The following NAV2 variants were observed in gnomAD, a reference collection of about 807,000 sequenced individuals.
NAV2 encodes the protein helicase, APC down-regulated 1.
NAV2 carries 54 observed loss-of-function variants against 223.2 expected under a neutral mutation model. That is an observed-to-expected ratio of 0.24 (90% CI 0.19 to 0.30). NAV2 has a LOEUF of 0.30. Among genes scored for constraint, NAV2 ranks in the 10% least tolerant of loss-of-function variants. The pLI is 1.00. For synonymous variants in NAV2, 1,279 were observed against 1,239.3 expected (o/e 1.03, Z -0.67); for missense variants, 2,806 against 3,147.5 (o/e 0.89, Z 2.60).
intron 1 of NAV2, among the ~76,000 whole-genome samples, chr11:19,384,092 A>T (rs1238328059): frequency 6.6e-6 from 1 of 152,238 alleles, no homozygotes; most frequent in East Asian, 1.9e-4. Context: ...AACATGAAAA[A>T]ATATTCAGAG....
At chr11:19,408,149 G>A (rs772099690) in intron 1 of NAV2, among the ~76,000 whole-genome samples, 2 of 152,174 alleles carry the variant, frequency 1.3e-5, no homozygotes, top group African/African-American at 2.4e-5. Flanking sequence ...AATGGCTTTC[G>A]AGATGCAGAC....
intron 33 of NAV2, 88 bp from the exon 34 acceptor site, chr11:20,103,563 TGG>T (rs2061797664): frequency 6.6e-7 from 1 of 1,518,538 alleles, no homozygotes; most frequent in Non-Finnish European, 9.1e-7. Context: ...TCCACTGGCC[TGG>T]AAGCACAGGG....
chr11:19,861,287 C>T (rs925410606), intron 3 of NAV2, among the ~76,000 whole-genome samples: 3 of 152,068 alleles, frequency 2.0e-5, no homozygotes, highest in Admixed American at 6.6e-5. Flanking sequence ...CATCAGGTTA[C>T]GGAGAAGGCC....
intron 22 of NAV2, among the ~76,000 whole-genome samples, chr11:20,076,893 G>A (rs555287440): frequency 5.0e-4 from 76 of 152,274 alleles, no homozygotes; most frequent in Middle Eastern, 3.4e-3. Flanking sequence ...ATAAAACTAC[G>A]TGAAAGCCTG....
chr11:19,514,995 T>G (rs1469230037), intron 1 of NAV2, among the ~76,000 whole-genome samples: 1 of 152,150 alleles, frequency 6.6e-6, no homozygotes, highest in African/African-American at 2.4e-5. Context: ...ATGTCTGACT[T>G]TGGAAAGTAG....
At chr11:19,755,159 G>A (rs1356518838) in intron 1 of NAV2, among the ~76,000 whole-genome samples, 1 of 152,176 alleles carries the variant, frequency 6.6e-6, no homozygotes, top group Non-Finnish European at 1.5e-5. Context: ...TTCTGATGGC[G>A]AATGTAGTCT....
rs571615432 is a variant in NAV2 at position 19,901,118 on chromosome 11, G to C, written c.931+8524G>C. On this transcript the variant is annotated intron_variant, in intron 6 of 37. Transcript: ENST00000349880. The stretch of plus-strand genomic sequence containing the variant: ...AATTGCTAAAAAGACAAATCCCCAG[G>C]CATTACAAACTGAGTCCTTCTAATT... Among the ~76,000 whole-genome samples the C allele has an allele frequency of 7.2e-5, 11 of 152,258 alleles. No individual in the cohort carries two copies. The East Asian group carries it at 2.1e-3, about 29-fold the overall frequency.
intron 10 of NAV2, among the ~76,000 whole-genome samples, chr11:19,954,907 GTATATA>G (rs1301437040): frequency 2.7e-4 from 8 of 29,136 alleles, no homozygotes; most frequent in South Asian, 1.5e-3. Flanking sequence ...ATATATATGT[GTATATA>G]TGTGTGTGTG....
At chr11:19,381,693 C>T (rs1238418508) in intron 1 of NAV2, among the ~76,000 whole-genome samples, 2 of 152,122 alleles carry the variant, frequency 1.3e-5, no homozygotes, top group East Asian at 3.9e-4. Flanking sequence ...AGGAACAGGT[C>T]AGCACTGGGT....
chr11:20,009,227 C>A (rs925986448), intron 11 of NAV2, among the ~76,000 whole-genome samples: 4 of 152,156 alleles, frequency 2.6e-5, no homozygotes, highest in African/African-American at 9.7e-5. Context: ...GGTACTTTTC[C>A]CCCTGAGCTT....
At chr11:19,533,320 G>C (rs1458440222) in intron 1 of NAV2, among the ~76,000 whole-genome samples, 3 of 152,010 alleles carry the variant, frequency 2.0e-5, no homozygotes, top group Admixed American at 2.0e-4. Flanking sequence ...GATGCCATTA[G>C]CGACAACTCC....
At chr11:19,832,835 C>T (rs1565395835) in intron 2 of NAV2, among the ~76,000 whole-genome samples, 1 of 152,214 alleles carries the variant, frequency 6.6e-6, no homozygotes, top group Non-Finnish European at 1.5e-5. Context: ...AGAAGAAAGG[C>T]TGGCCAAGGC....
intron 3 of NAV2, among the ~76,000 whole-genome samples, chr11:19,866,449 A>G (rs1722642965): frequency 6.6e-6 from 1 of 152,202 alleles, no homozygotes; most frequent in Admixed American, 6.5e-5. Context: ...AAAGTTAACA[A>G]AGAAGAAGTA....
intron 6 of NAV2, among the ~76,000 whole-genome samples, chr11:19,920,787 T>A (rs1357541527): frequency 6.6e-6 from 1 of 152,188 alleles, no homozygotes; most frequent in Non-Finnish European, 1.5e-5. Context: ...AGTCTGAATA[T>A]CACAGAACAG....
intron 1 of NAV2, among the ~76,000 whole-genome samples, chr11:19,716,662 A>T (rs2050339882): frequency 6.6e-6 from 1 of 152,164 alleles, no homozygotes; most frequent in East Asian, 1.9e-4. Flanking sequence ...GGGCATGTCC[A>T]CTTTCTGAGT....
chr11:19,737,721 T>G (rs545509376), intron 1 of NAV2, among the ~76,000 whole-genome samples: 1 of 152,340 alleles, frequency 6.6e-6, no homozygotes, highest in African/African-American at 2.4e-5. Flanking sequence ...AAATAGTGCA[T>G]GGAAGGCACT....
intron 11 of NAV2, among the ~76,000 whole-genome samples, chr11:20,023,697 T>TGGGG (rs1554902314): frequency 4.3e-4 from 41 of 95,086 alleles, no homozygotes; most frequent in African/African-American, 7.3e-4. Flanking sequence ...AGCAAATTGC[T>TGGGG]GGGTGTGTGT....
intron 1 of NAV2, among the ~76,000 whole-genome samples, chr11:19,765,402 C>G (rs1033091951): frequency 6.7e-6 from 1 of 150,334 alleles, no homozygotes; most frequent in African/African-American, 2.5e-5. Flanking sequence ...TCCCTCCCTC[C>G]CTCTCTCCCT....
chr11:19,790,488 C>G (rs781173796), intron 1 of NAV2, among the ~76,000 whole-genome samples: 1 of 152,124 alleles, frequency 6.6e-6, no homozygotes, highest in Non-Finnish European at 1.5e-5. Context: ...GTACAGTAAG[C>G]ACAGAAAGGG....
Sources: gnomAD v4.1 joint callset for allele counts (sites outside exome capture counted in the v4.1 genomes callset) on GRCh38, gnomAD v4.1.1 for gene constraint, MANE v1.5 for transcripts, NCBI Gene and HGNC (gene_info 2026-07-23, HGNC 2026-07-21) for gene names.